DIAPH3: variants seen among roughly 807,000 people sequenced by gnomAD.
DIAPH3 encodes diaphanous related formin 3, also known as protein diaphanous homolog 3.
A neutral mutation model predicts 144.3 loss-of-function variants in DIAPH3; 117 were observed. The observed-to-expected ratio is 0.81, with a 90% confidence interval of 0.70 to 0.95. DIAPH3 has a LOEUF of 0.95. Among genes scored for constraint, DIAPH3 ranks in the 40% least tolerant of loss-of-function variants. DIAPH3 has a pLI of 0.00. For synonymous variants in DIAPH3, 519 were observed against 488.9 expected, an observed-to-expected ratio of 1.06 and a Z score of -0.81; for missense variants, 1,421 against 1,412.7, an observed-to-expected ratio of 1.01 and a Z score of -0.09.
chr13:59,996,839 A>T (rs1219553060), intron 9 of DIAPH3, among the ~76,000 whole-genome samples: 1 of 152,096 alleles, frequency 6.6e-6, no homozygotes, highest in Non-Finnish European at 1.5e-5. Flanking sequence ...ACATGCCACT[A>T]CATCTACATC....
chr13:59,717,558 C>G (rs1365060866), intron 27 of DIAPH3, among the ~76,000 whole-genome samples: 1 of 152,212 alleles, frequency 6.6e-6, no homozygotes, highest in Non-Finnish European at 1.5e-5. Context: ...GTCTTACTTT[C>G]TAGCCACATG....
chr13:60,068,245 A>G (rs1486764645), intron 4 of DIAPH3, among the ~76,000 whole-genome samples: 1 of 152,182 alleles, frequency 6.6e-6, no homozygotes, highest in African/African-American at 2.4e-5. Context: ...TTCTTGGGTC[A>G]ATGAGAATGC....
At chr13:60,053,964 A>C (rs889909725) in intron 4 of DIAPH3, among the ~76,000 whole-genome samples, 2 of 152,132 alleles carry the variant, frequency 1.3e-5, no homozygotes, top group Non-Finnish European at 2.9e-5. Context: ...AGTATCTAAC[A>C]TATGGTAGTT....
At chr13:60,159,435 G>A (rs1389310937) in intron 1 of DIAPH3, among the ~76,000 whole-genome samples, 1 of 151,948 alleles carries the variant, frequency 6.6e-6, no homozygotes, top group African/African-American at 2.4e-5. Context: ...AGACCTGCCT[G>A]GCCAACATGG....
intron 27 of DIAPH3, among the ~76,000 whole-genome samples, chr13:59,699,874 TC>T (rs2138741768): frequency 6.6e-6 from 1 of 152,288 alleles, no homozygotes; most frequent in South Asian, 2.1e-4. Flanking sequence ...ACACACACTC[TC>T]CCTTGGTCAA....
chr13:59,771,784 A>G (rs948426632), intron 27 of DIAPH3, among the ~76,000 whole-genome samples: 1 of 152,188 alleles, frequency 6.6e-6, no homozygotes, highest in African/African-American at 2.4e-5. Flanking sequence ...AAATGGAGAT[A>G]AAAATATTGA....
chr13:59,924,175 C>A (rs2047649194), intron 18 of DIAPH3, among the ~76,000 whole-genome samples: 1 of 152,064 alleles, frequency 6.6e-6, no homozygotes, highest in African/African-American at 2.4e-5. Flanking sequence ...GAGTTAAGAG[C>A]AAAACTATTT....
intron 17 of DIAPH3, among the ~76,000 whole-genome samples, chr13:59,937,099 C>T (rs2048304430): frequency 6.6e-6 from 1 of 151,312 alleles, no homozygotes; most frequent in African/African-American, 2.4e-5. Flanking sequence ...GGAGGCAGAG[C>T]TTGCAGTGAG....
intron 21 of DIAPH3, among the ~76,000 whole-genome samples, chr13:59,874,161 T>C (rs1215005766): frequency 6.6e-6 from 1 of 152,172 alleles, no homozygotes; most frequent in Non-Finnish European, 1.5e-5. Context: ...GAAAATCACC[T>C]AGGAAGTAGC....
At chr13:60,047,016 C>T (rs973006443) in intron 4 of DIAPH3, among the ~76,000 whole-genome samples, 1 of 151,992 alleles carries the variant, frequency 6.6e-6, no homozygotes, top group South Asian at 2.1e-4. Flanking sequence ...AGGACAAATA[C>T]CTAATGTAAA....
intron 2 of DIAPH3, among the ~76,000 whole-genome samples, chr13:60,115,002 AAC>A (rs1419710554): frequency 1.3e-5 from 2 of 152,188 alleles, no homozygotes; most frequent in Non-Finnish European, 1.5e-5. Context: ...CAATAACATA[AAC>A]AGTCAATTAA....
chr13:59,799,970 T>C (rs1432320751), intron 25 of DIAPH3, among the ~76,000 whole-genome samples: 1 of 152,138 alleles, frequency 6.6e-6, no homozygotes, highest in African/African-American at 2.4e-5. Flanking sequence ...AAGATTAATA[T>C]TGAGTATCTA....
In DIAPH3 at chr13:59,920,717, A is replaced by C. The variant is rs558643739; in HGVS notation, c.2170+4058T>G. Among the ~76,000 whole-genome samples the C allele has an allele frequency of 7.2e-5, 11 of 151,990 alleles. No individual in the cohort carries two copies. The South Asian group carries it at 2.3e-3, about 32-fold the overall frequency. ...AGAAAATCAACAAACATGAACTAGA[A>C]AATGAACTCTAGGCCAAAAGGACCT... On this transcript the variant is annotated intron_variant, in intron 18 of 27. Transcript: ENST00000400324.
chr13:59,899,211 T>C (rs1237834447), intron 20 of DIAPH3, among the ~76,000 whole-genome samples: 1 of 152,152 alleles, frequency 6.6e-6, no homozygotes, highest in Non-Finnish European at 1.5e-5. Flanking sequence ...AGCTTGCAGA[T>C]AGCCTATTGT....
intron 25 of DIAPH3, among the ~76,000 whole-genome samples, chr13:59,807,624 A>G (rs341525): frequency 0.61 from 92,902 of 151,758 alleles, 28,927 homozygotes; most frequent in East Asian, 0.7. Flanking sequence ...TGTATGATGC[A>G]TATGTACCTC....
At chr13:59,826,431 A>G (rs1464837375) in intron 24 of DIAPH3, among the ~76,000 whole-genome samples, 1 of 150,714 alleles carries the variant, frequency 6.6e-6, no homozygotes, top group Non-Finnish European at 1.5e-5. Flanking sequence ...CCCATTCACA[A>G]TTGCTTCAAA....
rs2051513972 is a variant in DIAPH3, at chr13:59,987,746, A to T, written c.1361+3412T>A. ...CTTTGGAAAGCCGGTAATATGAAAA[A>T]TGATGTCACTCATCATTAGTACAGA... is the stretch of plus-strand genomic sequence containing the variant. On this transcript the variant is annotated intron_variant, in intron 12 of 27. Coordinates refer to ENST00000400324, the MANE Select transcript of DIAPH3 (RefSeq NM_001042517.2). Among the ~76,000 whole-genome samples, 3 of 151,464 alleles carry T rather than the reference A, an allele frequency of 2.0e-5. No homozygotes were observed. The East Asian group carries it at 5.8e-4, about 29-fold the overall frequency.
At chr13:59,813,168 T>C (rs1040391333) in intron 24 of DIAPH3, among the ~76,000 whole-genome samples, 2 of 151,962 alleles carry the variant, frequency 1.3e-5, no homozygotes. Context: ...TTAATCTGGC[T>C]ATTGCTATTG....
chr13:59,757,965 C>T (rs1398521201), intron 27 of DIAPH3, among the ~76,000 whole-genome samples: 2 of 152,126 alleles, frequency 1.3e-5, no homozygotes, highest in Non-Finnish European at 2.9e-5. Flanking sequence ...ACACACAGGA[C>T]AGACTTGAAT....
Sources: allele counts gnomAD v4.1 joint callset (sites outside exome capture counted in the v4.1 genomes callset), GRCh38; gene constraint gnomAD v4.1.1; transcripts MANE v1.5; gene names NCBI Gene and HGNC (gene_info 2026-07-23, HGNC 2026-07-21).